The following MAN2B2 variants were observed in gnomAD, a reference collection of about 807,000 sequenced individuals.
The protein encoded by MAN2B2 is epididymis-specific alpha-mannosidase.
A neutral mutation model predicts 117.1 loss-of-function variants in MAN2B2; 106 were observed. The observed-to-expected ratio is 0.90, with a 90% CI of 0.77 to 1.06. The LOEUF is 1.06. Among genes scored for constraint, MAN2B2 ranks in the 50% least tolerant of loss-of-function variants. MAN2B2 has a pLI of 0.00. For synonymous variants in MAN2B2, 544 were observed against 595.1 expected, an observed-to-expected ratio of 0.91 and a Z score of 1.25; for missense variants, 1,326 against 1,381.4, an observed-to-expected ratio of 0.96 and a Z score of 0.64.
intron 16 of MAN2B2, 91 bp from the exon 17 acceptor site, chr4:6,617,289 G>T: frequency 1.1e-6 from 1 of 925,030 alleles, no homozygotes; most frequent in South Asian, 1.5e-5. Context: ...ATAGGAAATG[G>T]AGCTGAGTGT....
chr4:6,597,852 CA>C (rs1727164917), intron 8 of MAN2B2, among the ~76,000 whole-genome samples: 1 of 152,022 alleles, frequency 6.6e-6, no homozygotes, highest in Non-Finnish European at 1.5e-5. Context: ...GTCACCTATC[CA>C]AAAAAGGGTC....
intron 10 of MAN2B2, among the ~76,000 whole-genome samples, chr4:6,601,735 A>G (rs1450607008): frequency 2.6e-5 from 4 of 152,168 alleles, no homozygotes; most frequent in African/African-American, 9.7e-5. Context: ...ATCACTCAGG[A>G]AGTTCCAATG....
chr4:6,605,308 T>G lies in MAN2B2; in HGVS notation c.1793T>G (p.Leu598Arg). The G allele has an allele frequency of 6.2e-7, 1 of 1,611,526 alleles. No homozygotes were observed. The highest frequency in any genetic ancestry group is 8.5e-7 in the Non-Finnish European group (1 of 1,177,920). Residue 598 changes from leucine (L) to arginine (R), a missense_variant, in exon 11 of 19, where the codon CTG (leucine) becomes CGG (arginine). Leu to Arg is a moderately radical substitution (Grantham distance 102). Coordinates refer to ENST00000285599, the MANE Select transcript of MAN2B2 (RefSeq NM_015274.3). The part of the protein sequence containing the change: ...YIVLLDQDTN[L>R]MHSIWERQSN... Reference sequence around the variant, plus strand: ...GTGCTGCTCGACCAGGATACCAACCTGATGCACAGCATCTGGGAGAGGTAA... The same window carrying G: ...GTGCTGCTCGACCAGGATACCAACCGGATGCACAGCATCTGGGAGAGGTAA...
chr4:6,611,498 G>A (rs1306952039), intron 15 of MAN2B2, among the ~76,000 whole-genome samples: 1 of 151,798 alleles, frequency 6.6e-6, no homozygotes. Context: ...ACAGAGCTGG[G>A]ACTCACCCAT....
At position 6,604,998 on chromosome 4, in the gene MAN2B2, C is replaced by T. The variant is rs1038546531; in HGVS notation, c.1540-57C>T. ...CTGCCTCAGCAAGTAGTGAGCACCC[C>T]ATTCCAGAAAGTGTGAGAGCTGACA... is the stretch of plus-strand genomic sequence containing the variant. On this transcript the variant is annotated intron_variant, in intron 10 of 18. Transcript: ENST00000285599. 1.0e-5 allele frequency: 16 copies of T among 1,566,478 alleles called. No individual in the cohort carries two copies. In the East Asian group the frequency reaches 1.4e-4, roughly 13 times the overall value.
intron 2 of MAN2B2, among the ~76,000 whole-genome samples, chr4:6,577,180 G>A (rs7683142): frequency 0.026 from 3,969 of 152,240 alleles, 174 homozygotes; most frequent in African/African-American, 0.089. Context: ...AGCATGGAGA[G>A]TCAGAGTCCC....
Position 6,614,482 on chromosome 4 carries a change from T to C in MAN2B2, c.2701+127T>C, listed in dbSNP as rs149762857. Reference sequence around the variant, plus strand: ...GGCTCTGCAAGGTCACCTGGTTTCTTATCTGGCACATGGGGAGAGTGAGGC... The same window carrying C: ...GGCTCTGCAAGGTCACCTGGTTTCTCATCTGGCACATGGGGAGAGTGAGGC... On this transcript the variant is annotated intron_variant, in intron 16 of 18. Transcript: ENST00000285599. 2.9e-4 allele frequency: 335 copies of C among 1,152,866 alleles called. 4 individuals carry two copies. In the African/African-American group the frequency reaches 3.6e-3, roughly 12 times the overall value. 71.4% of individuals were successfully genotyped at this position (1,152,866 alleles called of 1,614,324 possible).
chr4:6,580,823 G>A lies in MAN2B2; in HGVS notation c.391+2325G>A, dbSNP rs115319868. Reference sequence around the variant, plus strand: ...AGGGTACCCACCACTGGGGTACCTCGCCTCTGGCCTCAGCCCACCGTGCCT... The same window carrying A: ...AGGGTACCCACCACTGGGGTACCTCACCTCTGGCCTCAGCCCACCGTGCCT... On this transcript the variant is annotated intron_variant, in intron 3 of 18. Transcript: ENST00000285599. 6.4e-3 allele frequency among the ~76,000 whole-genome samples: 980 copies of A among 152,280 alleles called. 4 individuals carry two copies. Among genetic ancestry groups the A allele is most frequent in the African/African-American group, 0.019 (806 of 41,564 alleles).
At chr4:6,579,079 C>T (rs1577269287) in intron 3 of MAN2B2, among the ~76,000 whole-genome samples, 1 of 94,490 alleles carries the variant, frequency 1.1e-5, no homozygotes, top group Non-Finnish European at 2.1e-5. Flanking sequence ...TCACCACCAC[C>T]ACCACCATCA....
Position 6,598,225 on chromosome 4 carries a change from AC to A in MAN2B2, c.1277del (p.Thr426MetfsTer6). 1 of 1,613,716 alleles carries A rather than the reference AC, an allele frequency of 6.2e-7. No individual in the cohort carries two copies. Among genetic ancestry groups the A allele is most frequent in the Non-Finnish European group, 8.5e-7 (1 of 1,180,010 alleles). ...EVQHHDAITG[T>X]ESPKVRDMYA... Reference sequence around the variant, plus strand: ...CCAGCACCATGATGCCATCACTGGGACTGAGTCCCCCAAGGTGAGAGACATG... The same window carrying A: ...CCAGCACCATGATGCCATCACTGGGATGAGTCCCCCAAGGTGAGAGACATG... On this transcript the variant is annotated frameshift_variant, in exon 9 of 19. Coordinates refer to ENST00000285599, the MANE Select transcript of MAN2B2 (RefSeq NM_015274.3). LOFTEE classifies it high-confidence loss of function.
intron 3 of MAN2B2, among the ~76,000 whole-genome samples, chr4:6,583,652 G>T (rs1198870232): frequency 6.6e-6 from 1 of 152,188 alleles, no homozygotes; most frequent in African/African-American, 2.4e-5. Flanking sequence ...GGGGCATAAG[G>T]CAGAAAAAGA....
At chr4:6,579,138 CCATCACCACCACCATCACCAT>C (rs1726237434) in intron 3 of MAN2B2, among the ~76,000 whole-genome samples, 8 of 72,530 alleles carry the variant, frequency 1.1e-4, no homozygotes, top group Non-Finnish European at 1.5e-4. Flanking sequence ...ACCACCACCA[CCATCACCACCACCATCACCAT>C]CACCACCACC....
intron 11 of MAN2B2, 26 bp from the exon 12 acceptor site, chr4:6,609,081 A>G: frequency 6.3e-7 from 1 of 1,598,860 alleles, no homozygotes; most frequent in Non-Finnish European, 8.5e-7. Context: ...GATGAGAATG[A>G]CATCTTCTCT....
chr4:6,600,877 G>A (rs1481681726), intron 10 of MAN2B2, 121 bp downstream of exon 10: 2 of 1,255,220 alleles, frequency 1.6e-6, no homozygotes, highest in East Asian at 5.0e-5. Flanking sequence ...TACAGAAGAG[G>A]AAACTGAGGC....
chr4:6,595,003 C>T (rs1410794808), intron 7 of MAN2B2, among the ~76,000 whole-genome samples: 2 of 152,230 alleles, frequency 1.3e-5, no homozygotes, highest in Non-Finnish European at 2.9e-5. Flanking sequence ...GGCCTTTGCA[C>T]AGGTGGTGCC....
chr4:6,614,192 C>T, intron 15 of MAN2B2, 26 bp from the exon 16 acceptor site: 2 of 1,610,946 alleles, frequency 1.2e-6, no homozygotes, highest in Non-Finnish European at 1.7e-6. Context: ...CAAACCCTCT[C>T]CTCACTCTGT....
Position 6,594,654 on chromosome 4 carries a change from G to A in MAN2B2, c.979G>A (p.Asp327Asn), listed in dbSNP as rs142017136. The A allele has an allele frequency of 9.9e-6, 16 of 1,613,402 alleles. No individual in the cohort carries two copies. The African/African-American group carries it at 1.6e-4, about 16-fold the overall frequency. The change falls in exon 7 of 19, where the codon GAC becomes AAC. Residue 327 changes from aspartate to asparagine, a missense_variant. By Grantham distance (23) the Asp-to-Asn change is conservative. Coordinates refer to ENST00000285599, the MANE Select transcript of MAN2B2 (RefSeq NM_015274.3). The part of the protein sequence containing the change: ...GVSVQYATLG[D>N]YFRALHALNV... ...CTCGGTGCAGTATGCCACGCTGGGC[G>A]ACTACTTCCGTGCCCTGCACGCTCT...
Position 6,611,250 on chromosome 4 carries a change from G to T in MAN2B2, c.2535G>T (p.Arg845Ser). ...RQRSALALQH[R>S]PVVLFGDLAG... ...GGAGCGCACTGGCGCTGCAGCACAG[G>T]CCCGTGGTGCTGTTCGGAGACCTCG... Residue 845 changes from arginine to serine, a missense_variant, in exon 15 of 19, where the codon AGG (arginine) becomes AGT (serine). By Grantham distance (110) the Arg-to-Ser change is moderately radical (BLOSUM62 -1). Transcript: ENST00000285599. The T allele has an allele frequency of 6.2e-7, 1 of 1,610,520 alleles. No homozygotes were observed. The highest frequency in any genetic ancestry group is 8.5e-7 in the Non-Finnish European group (1 of 1,178,774).
intron 7 of MAN2B2, 33 bp from the exon 8 acceptor site, chr4:6,597,080 G>A (rs376186949): frequency 6.8e-5 from 109 of 1,598,784 alleles, no homozygotes; most frequent in Admixed American, 8.5e-5. Context: ...GGGTCATGCC[G>A]TCTCAAGCTC....
Sources: gnomAD v4.1 joint callset for allele counts (sites outside exome capture counted in the v4.1 genomes callset) on GRCh38, gnomAD v4.1.1 for gene constraint, MANE v1.5 for transcripts, NCBI Gene and HGNC (gene_info 2026-07-23, HGNC 2026-07-21) for gene names.